Variants in DOCK5 observed in about 807,000 individuals in gnomAD.
DOCK5 encodes the protein dedicator of cytokinesis protein 5.
Under a neutral mutation model 251.8 loss-of-function variants are expected in DOCK5, and 142 were observed. That is an observed-to-expected ratio of 0.56 (90% confidence interval 0.49 to 0.65). The LOEUF is 0.65. Ranked by LOEUF, DOCK5 falls within the 30% of genes least tolerant of loss-of-function variation. DOCK5 has a pLI of 0.00. For missense variants in DOCK5, 2,111 were observed against 2,312.3 expected (o/e 0.91, Z 1.79); for synonymous variants, 842 against 835.5 (o/e 1.01, Z -0.13).
intron 1 of DOCK5, among the ~76,000 whole-genome samples, chr8:25,231,502 A>G (rs1334520834): frequency 6.6e-6 from 1 of 152,206 alleles, no homozygotes; most frequent in Non-Finnish European, 1.5e-5. Context: ...GAGAAATACA[A>G]TGGATTCTTA....
At chr8:25,323,998 A>G (rs1426645244) in intron 17 of DOCK5, 47 bp downstream of exon 17, 1 of 1,511,014 alleles carries the variant, frequency 6.6e-7, no homozygotes, top group Admixed American at 2.1e-5. Context: ...CTTTCAAATG[A>G]GCATTTAAGA....
intron 1 of DOCK5, among the ~76,000 whole-genome samples, chr8:25,236,206 G>C (rs1289857193): frequency 6.6e-6 from 1 of 152,160 alleles, no homozygotes; most frequent in Non-Finnish European, 1.5e-5. Flanking sequence ...TGCTCTTATG[G>C]AGTACTGTTG....
chr8:25,369,341 C>A (rs1187242767), intron 33 of DOCK5, among the ~76,000 whole-genome samples: 2 of 152,142 alleles, frequency 1.3e-5, no homozygotes, highest in African/African-American at 4.8e-5. Context: ...TGTTTTTAAT[C>A]AAATGTAATG....
intron 2 of DOCK5, among the ~76,000 whole-genome samples, chr8:25,251,658 T>C (rs1293389870): frequency 6.6e-6 from 1 of 152,198 alleles, no homozygotes; most frequent in East Asian, 1.9e-4. Flanking sequence ...GAATTTTGTC[T>C]GCATGTTTGC....
chr8:25,382,868 G>T lies in DOCK5; in HGVS notation c.4131+90G>T, dbSNP rs1369254098. The T allele has an allele frequency of 2.7e-5, 28 of 1,055,372 alleles. No homozygotes were observed. In the East Asian group the frequency reaches 7.4e-4, roughly 28 times the overall value. The allele number at this position is 1,055,372 out of a possible 1,614,324, so 65.4% of individuals were successfully genotyped here. On this transcript the variant is annotated intron_variant, in intron 40 of 51. Coordinates refer to ENST00000276440, the MANE Select transcript of DOCK5 (RefSeq NM_024940.8). ...GATGGGCAACAGGGTGTTAGCAGCT[G>T]CCGACCCGTGTTCTCGCTGTGGGAG...
At chr8:25,237,818 G>T (rs750266720) in intron 1 of DOCK5, among the ~76,000 whole-genome samples, 1 of 152,118 alleles carries the variant, frequency 6.6e-6, no homozygotes, top group South Asian at 2.1e-4. Context: ...TCATTACCCC[G>T]TGAATCAGAA....
In DOCK5 at chr8:25,325,560, A is replaced by T. The variant is rs1805544066; in HGVS notation, c.1903+13A>T. The T allele has an allele frequency of 2.5e-6, 4 of 1,611,628 alleles. No individual in the cohort carries two copies. Among genetic ancestry groups the T allele is most frequent in the Non-Finnish European group, 2.5e-6 (3 of 1,178,704 alleles). ...CTCACCCAGAATGGTAGGAGTGGTG[A>T]ATACACTGACACAAATAAGCTTCTT... On this transcript the variant is annotated intron_variant, in intron 18 of 51. Coordinates refer to ENST00000276440, the MANE Select transcript of DOCK5 (RefSeq NM_024940.8).
intron 4 of DOCK5, among the ~76,000 whole-genome samples, chr8:25,275,920 C>T (rs1475047764): frequency 6.6e-6 from 1 of 152,240 alleles, no homozygotes; most frequent in Non-Finnish European, 1.5e-5. Flanking sequence ...ACTTTTCACT[C>T]ATACAATTCC....
At position 25,385,539 on chromosome 8, in the gene DOCK5, C is replaced by T. The variant is rs149916209; in HGVS notation, c.4131+2761C>T. Reference sequence around the variant, plus strand: ...GAACCATTTACTGGGACAGGAGGACCGGAAAAGGCCAGAGTCACAGAGGAG... The same window carrying T: ...GAACCATTTACTGGGACAGGAGGACTGGAAAAGGCCAGAGTCACAGAGGAG... On this transcript the variant is annotated intron_variant, in intron 40 of 51. Coordinates refer to ENST00000276440, the MANE Select transcript of DOCK5 (RefSeq NM_024940.8). Among the ~76,000 whole-genome samples, 244 of 152,040 alleles carry T rather than the reference C, an allele frequency of 1.6e-3. 1 individual carries two copies. Among genetic ancestry groups the T allele is most frequent in the African/African-American group, 5.4e-3 (222 of 41,468 alleles).
chr8:25,406,596 A>AT (rs1801527427), intron 48 of DOCK5, among the ~76,000 whole-genome samples: 3 of 151,966 alleles, frequency 2.0e-5, no homozygotes, highest in Middle Eastern at 3.4e-3. Context: ...CCTTTTTATT[A>AT]TAAGCATTTG....
chr8:25,318,058 TTTTTC>T (rs542180069), intron 14 of DOCK5, among the ~76,000 whole-genome samples: 42 of 152,146 alleles, frequency 2.8e-4, no homozygotes, highest in Middle Eastern at 3.4e-3. Flanking sequence ...CTCTGGCAGC[TTTTTC>T]TTTTCTTTTC....
In DOCK5 at chr8:25,317,011, T is replaced by G. The variant is rs755462791; in HGVS notation, c.1323T>G (p.Asp441Glu). The change falls in exon 14 of 52, where the codon GAT becomes GAG. Residue 441 changes from aspartate to glutamate, a missense_variant. By Grantham distance (45) the Asp-to-Glu change is conservative. Around this residue, in one of 3 missense-constraint regions of DOCK5, gnomAD observed 1,717 missense variants for 1,892.4 expected, o/e 0.91. Transcript: ENST00000276440. ...MGFPEIILPG[D>E]VRNDIYVTLI... ...AGCATGCTTATCATGTTGCAGGAGA[T>G]GTTCGGAATGACATTTATGTCACCC... 6.2e-7 allele frequency: 1 copy of G among 1,613,876 alleles called. No individual in the cohort carries two copies. The highest frequency in any genetic ancestry group is 8.5e-7 in the Non-Finnish European group (1 of 1,179,826).
intron 2 of DOCK5, among the ~76,000 whole-genome samples, chr8:25,265,725 C>T (rs754571740): frequency 9.4e-4 from 142 of 151,768 alleles, no homozygotes; most frequent in Non-Finnish European, 1.8e-3. Context: ...CTGCATGTAG[C>T]GAGGAGAAGA....
At chr8:25,319,496 A>C (rs1805362116) in intron 14 of DOCK5, 82 bp from the exon 15 acceptor site, 1 of 882,936 alleles carries the variant, frequency 1.1e-6, no homozygotes, top group East Asian at 2.7e-5. Flanking sequence ...TTTGGGGGTG[A>C]GGGGCTTGTG....
chr8:25,407,457 C>A lies in DOCK5; in HGVS notation c.5094-526C>A, dbSNP rs142064354. Among the ~76,000 whole-genome samples the A allele has an allele frequency of 3.4e-3, 516 of 152,246 alleles. 3 individuals are homozygous for A. Among genetic ancestry groups the A allele is most frequent in the South Asian group, 0.028 (135 of 4,818 alleles). ...CTTCACTTCCTGGGATAAGATACTC[C>A]CTAATATTTTCGTCCAGTCGTCTGA... On this transcript the variant is annotated intron_variant, in intron 48 of 51. Coordinates refer to ENST00000276440, the MANE Select transcript of DOCK5 (RefSeq NM_024940.8).
chr8:25,410,972 T>TGC (rs869174248), intron 51 of DOCK5, among the ~76,000 whole-genome samples: 20 of 19,186 alleles, frequency 1.0e-3, no homozygotes, highest in African/African-American at 2.7e-3. Flanking sequence ...TGTGTGTGTG[T>TGC]GCGCGCGCGC....
At chr8:25,288,207 T>C (rs1401687110) in intron 5 of DOCK5, among the ~76,000 whole-genome samples, 1 of 152,018 alleles carries the variant, frequency 6.6e-6, no homozygotes, top group Non-Finnish European at 1.5e-5. Context: ...TTTTGGTGAG[T>C]GTTTGGTTTT....
chr8:25,203,628 A>G (rs1295066273), intron 1 of DOCK5, among the ~76,000 whole-genome samples: 1 of 152,176 alleles, frequency 6.6e-6, no homozygotes, highest in Non-Finnish European at 1.5e-5. Context: ...CTCTGGTGAC[A>G]TTTCGATTCT....
chr8:25,371,941 G>C (rs1259549272), intron 34 of DOCK5, among the ~76,000 whole-genome samples: 1 of 152,098 alleles, frequency 6.6e-6, no homozygotes, highest in Non-Finnish European at 1.5e-5. Context: ...GGCTCTGTGT[G>C]GGTCCAAAGG....
Sources: allele counts gnomAD v4.1 joint callset (sites outside exome capture counted in the v4.1 genomes callset), GRCh38; gene constraint gnomAD v4.1.1; regional missense constraint gnomAD v4.1.1; transcripts MANE v1.5; gene names NCBI Gene and HGNC (gene_info 2026-07-23, HGNC 2026-07-21).